Variants in CHST15 observed in about 807,000 individuals in gnomAD.
CHST15 encodes the protein B cell RAG associated protein (GALNAC4S-6ST).
A neutral mutation model predicts 53.6 loss-of-function variants in CHST15; 30 were observed. That is an observed-to-expected ratio of 0.56 (90% CI 0.42 to 0.76). CHST15 has a LOEUF of 0.76. Among genes scored for constraint, CHST15 ranks in the 30% least tolerant of loss-of-function variants. The pLI is 0.00. For synonymous variants in CHST15, 296 were observed against 289.8 expected (o/e 1.02, Z -0.22); for missense variants, 627 against 740.5 (o/e 0.85, Z 1.78).
At chr10:124,011,555 G>A (rs1192730866) in intron 7 of CHST15, 1 of 985,480 alleles carries the variant, frequency 1.0e-6, no homozygotes, top group African/African-American at 1.7e-5. Flanking sequence ...GTTCTGGGAA[G>A]GAGGGCGGCT....
intron 6 of CHST15, 193 bp downstream of exon 6, chr10:124,021,063 G>A (rs1169403869): frequency 7.6e-6 from 11 of 1,450,652 alleles, no homozygotes; most frequent in African/African-American, 2.8e-5. Flanking sequence ...AGGAAGGCAG[G>A]AGCCAGACCA....
At chr10:124,011,885 C>G in intron 7 of CHST15, 1 of 980,694 alleles carries the variant, frequency 1.0e-6, no homozygotes, top group Non-Finnish European at 1.2e-6. Context: ...TCTGCTCCAG[C>G]CCCCCGGTGA....
chr10:124,016,450 A>C (rs1946587453), intron 6 of CHST15, among the ~76,000 whole-genome samples: 1 of 152,036 alleles, frequency 6.6e-6, no homozygotes, highest in African/African-American at 2.4e-5. Context: ...ACAATCTGTT[A>C]CTGCTGCACC....
At chr10:124,045,131 A>AACAAAC (rs1947938263) in intron 2 of CHST15, among the ~76,000 whole-genome samples, 2 of 111,664 alleles carry the variant, frequency 1.8e-5, no homozygotes, top group African/African-American at 6.6e-5. Flanking sequence ...AAAAAAAAAA[A>AACAAAC]AAAAAAAAAA....
In CHST15 at chr10:124,009,893, C is replaced by A. The variant is rs995679019; in HGVS notation, c.*256G>T. On this transcript the variant is annotated 3_prime_UTR_variant, in exon 8 of 8. Coordinates refer to ENST00000435907, the MANE Select transcript of CHST15 (RefSeq NM_001270764.2). ...GGCTGCATCCCCAAGCTCCAGGACG[C>A]TCAGAGCAGAGCTGAATTCTTGAGA... 7.7e-7 allele frequency: 1 copy of A among 1,296,956 alleles called. No individual in the cohort carries two copies. Among genetic ancestry groups the A allele is most frequent in the Non-Finnish European group, 9.8e-7 (1 of 1,017,552 alleles). The allele number at this position is 1,296,956 out of a possible 1,614,324, so 80.3% of individuals were successfully genotyped here. A position where few individuals can be genotyped will look rare whatever the true frequency, so the allele number is the denominator to read the frequency against.
At chr10:124,042,230 G>C in intron 4 of CHST15, 71 bp downstream of exon 4, 1 of 1,506,006 alleles carries the variant, frequency 6.6e-7, no homozygotes, top group Non-Finnish European at 9.0e-7. Flanking sequence ...GCAGAGCTGG[G>C]CTAGGCCTGG....
At chr10:124,020,953 GATTC>G in intron 6 of CHST15, 3 of 1,389,952 alleles carry the variant, frequency 2.2e-6, no homozygotes, top group Admixed American at 3.3e-5. Context: ...CATGTCTGCC[GATTC>G]TAATTGCTGG....
At chr10:124,020,948 CT>C in intron 6 of CHST15, 5 of 1,391,018 alleles carry the variant, frequency 3.6e-6, no homozygotes, top group Admixed American at 6.7e-5. Context: ...GTCCTCATGT[CT>C]GCCGATTCTA....
Position 124,046,214 on chromosome 10 carries a change from G to A in CHST15, c.-2C>T. ...GCAGCAATTAATGCAGTGCCTCATG[G>A]TAGTGCCAGTGCCCTGGGCTGCTGG... On this transcript the variant is annotated 5_prime_UTR_variant, in exon 2 of 8. Transcript: ENST00000435907. The A allele has an allele frequency of 6.3e-7, 1 of 1,590,284 alleles. No homozygotes were observed.
At chr10:124,080,162 A>C (rs1949191255) in intron 1 of CHST15, among the ~76,000 whole-genome samples, 2 of 152,316 alleles carry the variant, frequency 1.3e-5, no homozygotes, top group African/African-American at 4.8e-5. Flanking sequence ...CAGAGACGGG[A>C]CGGGGAGAAG....
At chr10:124,050,202 C>T (rs149673576) in intron 1 of CHST15, among the ~76,000 whole-genome samples, 227 of 152,312 alleles carry the variant, frequency 1.5e-3, no homozygotes, top group African/African-American at 5.0e-3. Flanking sequence ...TAGAGCCCGG[C>T]GGCTTCCAGA....
chr10:124,011,804 C>T (rs777785357), intron 7 of CHST15: 1 of 985,454 alleles, frequency 1.0e-6, no homozygotes, highest in Non-Finnish European at 1.2e-6. Flanking sequence ...ACGGCTCTGA[C>T]TCCTGGAATT....
At chr10:124,057,006 G>A (rs1003845078) in intron 1 of CHST15, among the ~76,000 whole-genome samples, 5 of 152,228 alleles carry the variant, frequency 3.3e-5, no homozygotes, top group African/African-American at 7.2e-5. Context: ...GACACGCTGC[G>A]GCCCAGGTGG....
chr10:124,016,866 C>A (rs149308299), intron 6 of CHST15, among the ~76,000 whole-genome samples: 1 of 152,160 alleles, frequency 6.6e-6, no homozygotes, highest in Non-Finnish European at 1.5e-5. Flanking sequence ...CCTTTTATCA[C>A]GAAGACTCAA....
chr10:124,038,880 A>G (rs907793819), intron 4 of CHST15, among the ~76,000 whole-genome samples: 1 of 151,986 alleles, frequency 6.6e-6, no homozygotes, highest in Admixed American at 6.6e-5. Context: ...CTCCACCCCA[A>G]AAACTTCTGT....
chr10:124,073,374 C>T (rs1948979757), intron 1 of CHST15, among the ~76,000 whole-genome samples: 2 of 152,122 alleles, frequency 1.3e-5, no homozygotes, highest in Non-Finnish European at 2.9e-5. Flanking sequence ...AAACCCAGGC[C>T]GCGGAAGTCA....
intron 6 of CHST15, chr10:124,020,456 G>A: frequency 1.0e-6 from 1 of 985,530 alleles, no homozygotes; most frequent in Non-Finnish European, 1.2e-6. Flanking sequence ...GCCCCTGCAT[G>A]CTGCCTCCCA....
intron 1 of CHST15, among the ~76,000 whole-genome samples, chr10:124,069,094 G>A (rs1948834327): frequency 6.6e-6 from 1 of 152,212 alleles, no homozygotes; most frequent in Non-Finnish European, 1.5e-5. Flanking sequence ...ACAGTCCCTT[G>A]TCTCTGCACA....
Position 124,044,791 on chromosome 10 carries a change from G to A in CHST15, c.675C>T (p.Phe225=), listed in dbSNP as rs1016731870. Residue 225 remains phenylalanine (F), a synonymous_variant, in exon 3 of 8, where the codon TTC becomes TTT. Transcript: ENST00000435907. The part of the protein sequence containing the change: ...TNSYVLYSKR[F]RSTFDALRKA... ...TGCGCAGGGCGTCGAAGGTGGAGCG[G>A]AAGCGCTTGGAGTAGAGCACGTAGG... The A allele has an allele frequency of 2.5e-6, 4 of 1,609,232 alleles. No homozygotes were observed. The African/African-American group carries it at 5.3e-5, about 22-fold the overall frequency.
Sources: allele counts gnomAD v4.1 joint callset (sites outside exome capture counted in the v4.1 genomes callset), GRCh38; gene constraint gnomAD v4.1.1; transcripts MANE v1.5; gene names NCBI Gene and HGNC (gene_info 2026-07-23, HGNC 2026-07-21).